Variants in ROBO2 observed in about 807,000 individuals in gnomAD.
The protein encoded by ROBO2 is roundabout guidance receptor 2.
Under a neutral mutation model 160.8 loss-of-function variants are expected in ROBO2, and 53 were observed. The ratio of observed to expected loss-of-function variants is 0.33; its 90% CI spans 0.26 to 0.41. The LOEUF is 0.41. Ranked by LOEUF, ROBO2 falls within the 10% of genes least tolerant of loss-of-function variation. The pLI is 1.00. For synonymous variants in ROBO2, 664 were observed against 611.7 expected (o/e 1.09, Z -1.26); for missense variants, 1,577 against 1,722.4 (o/e 0.92, Z 1.49).
intron 2 of ROBO2, among the ~76,000 whole-genome samples, chr3:76,603,341 A>C (rs1416834820): frequency 1.8e-5 from 1 of 55,452 alleles, no homozygotes; most frequent in Non-Finnish European, 3.5e-5. Flanking sequence ...CCAAAAAAAA[A>C]AAAAAAAAAA....
At chr3:76,025,509 T>C (rs1466702169) in intron 2 of ROBO2, among the ~76,000 whole-genome samples, 1 of 151,776 alleles carries the variant, frequency 6.6e-6, no homozygotes, top group African/African-American at 2.4e-5. Context: ...GTGGATTAGA[T>C]ATCAATCATC....
intron 2 of ROBO2, among the ~76,000 whole-genome samples, chr3:76,889,735 T>C (rs1198639108): frequency 6.6e-6 from 1 of 152,184 alleles, no homozygotes; most frequent in Non-Finnish European, 1.5e-5. Context: ...ATAGAAAAGC[T>C]ATTACATAGT....
rs2093678335 is a variant in ROBO2 at position 76,734,353 on chromosome 3, T to C, written c.110-363661T>C. ...GGGGGCACTATTAGTGATTGCCCAA[T>C]GACAACGGGTATAAACTGAGATCCT... On this transcript the variant is annotated intron_variant, in intron 2 of 26. Coordinates refer to the ROBO2 transcript ENST00000487694. Among the ~76,000 whole-genome samples the C allele has an allele frequency of 3.3e-5, 5 of 152,196 alleles. No homozygotes were observed. The South Asian group carries it at 1.0e-3, about 32-fold the overall frequency.
chr3:77,082,814 T>G (rs2068814291), intron 1 of ROBO2, among the ~76,000 whole-genome samples: 1 of 151,472 alleles, frequency 6.6e-6, no homozygotes, highest in Non-Finnish European at 1.5e-5. Context: ...TTAAAACATT[T>G]TTTTTTTTGG....
At chr3:77,036,045 C>T (rs1357362697), upstream of ROBO2, among the ~76,000 whole-genome samples, 2 of 151,842 alleles carry the variant, frequency 1.3e-5, no homozygotes, top group African/African-American at 4.8e-5. Flanking sequence ...ATATTATACT[C>T]TTATACTATT....
intron 2 of ROBO2, among the ~76,000 whole-genome samples, chr3:76,688,111 AAAG>A (rs1158652663): frequency 2.6e-5 from 4 of 152,208 alleles, no homozygotes; most frequent in Admixed American, 1.3e-4. Flanking sequence ...GCTACACTGA[AAAG>A]TAGTAATCAT....
At chr3:76,653,115 A>G (rs1055083456) in intron 2 of ROBO2, among the ~76,000 whole-genome samples, 2 of 151,964 alleles carry the variant, frequency 1.3e-5, no homozygotes, top group African/African-American at 4.8e-5. Flanking sequence ...ATTACACCAA[A>G]CTTACTAACA....
At chr3:77,455,372 G>A (rs377715178) in intron 2 of ROBO2, among the ~76,000 whole-genome samples, 68 of 152,246 alleles carry the variant, frequency 4.5e-4, no homozygotes, top group Middle Eastern at 3.4e-3. Context: ...AAATATAATC[G>A]CTGACATGTG....
chr3:77,607,674 A>G, intron 20 of ROBO2, 124 bp from the exon 22 acceptor site: 1 of 850,294 alleles, frequency 1.2e-6, no homozygotes, highest in Non-Finnish European at 1.9e-6. Context: ...TTCATTGTTT[A>G]TAGCTTTTAA....
At chr3:76,603,350 AAATATATATATATATATATATAT>A (rs1227718401) in intron 2 of ROBO2, among the ~76,000 whole-genome samples, 2 of 63,262 alleles carry the variant, frequency 3.2e-5, no homozygotes, top group African/African-American at 7.3e-5. Flanking sequence ...AAAAAAAAAA[AAATATATATATATATATATATAT>A]ATATATATAT....
intron 2 of ROBO2, among the ~76,000 whole-genome samples, chr3:76,877,711 G>C (rs375935099): frequency 6.6e-6 from 1 of 152,106 alleles, no homozygotes; most frequent in East Asian, 1.9e-4. Flanking sequence ...CCATAGACTG[G>C]GTGGCTTAAA....
chr3:76,443,983 A>G (rs150848656), intron 2 of ROBO2, among the ~76,000 whole-genome samples: 7 of 152,136 alleles, frequency 4.6e-5, no homozygotes, highest in African/African-American at 1.7e-4. Flanking sequence ...TATTATTATT[A>G]TTGATGGAGT....
At chr3:76,665,402 T>C (rs1430223648) in intron 2 of ROBO2, among the ~76,000 whole-genome samples, 1 of 152,054 alleles carries the variant, frequency 6.6e-6, no homozygotes, top group East Asian at 1.9e-4. Context: ...TGAGTTAATA[T>C]ATGAATCATA....
At chr3:76,491,880 G>A (rs2079843867) in intron 2 of ROBO2, among the ~76,000 whole-genome samples, 1 of 152,004 alleles carries the variant, frequency 6.6e-6, no homozygotes, top group Admixed American at 6.6e-5. Context: ...GGATCACCTG[G>A]GTTCAGGAGT....
At chr3:76,351,600 A>G (rs13099689) in intron 2 of ROBO2, among the ~76,000 whole-genome samples, 20,020 of 151,996 alleles carry the variant, frequency 0.13, 1,625 homozygotes, top group African/African-American at 0.23. Flanking sequence ...TATTTTGGTT[A>G]ATGAGTGTTT....
intron 11 of ROBO2, 40 bp downstream of exon 12, chr3:77,563,369 T>TAGCTCC (rs2093387769): frequency 6.3e-7 from 1 of 1,591,394 alleles, no homozygotes; most frequent in Non-Finnish European, 8.6e-7. Context: ...GGTTTTGTCT[T>TAGCTCC]AGCTCCTTTA....
At chr3:76,992,348 TATATATATATATATATATATA>T (rs763244515) in intron 2 of ROBO2, among the ~76,000 whole-genome samples, 38,490 of 135,484 alleles carry the variant, frequency 0.28, 6,192 homozygotes, top group East Asian at 0.64. Flanking sequence ...TATATATATA[TATATATATATATATATATATA>T]AATTTAGCTT....
At chr3:77,586,246 G>A (rs536384011) in intron 16 of ROBO2, among the ~76,000 whole-genome samples, 1 of 152,152 alleles carries the variant, frequency 6.6e-6, no homozygotes, top group East Asian at 1.9e-4. Context: ...CCATTAAGCA[G>A]CGTGTCATAT....
chr3:76,886,449 C>A (rs937967356), intron 2 of ROBO2, among the ~76,000 whole-genome samples: 1 of 151,694 alleles, frequency 6.6e-6, no homozygotes, highest in Non-Finnish European at 1.5e-5. Flanking sequence ...TCAGTAAGCC[C>A]AGCTTCTGAG....
Sources: allele counts gnomAD v4.1 joint callset (sites outside exome capture counted in the v4.1 genomes callset), GRCh38; gene constraint gnomAD v4.1.1; transcripts MANE v1.5; gene names NCBI Gene and HGNC (gene_info 2026-07-23, HGNC 2026-07-21).